Variants in LRTM1 observed in about 807,000 individuals in gnomAD.
LRTM1 encodes the protein leucine-rich repeat and transmembrane domain-containing protein 1.
LRTM1 carries 38 observed loss-of-function variants against 32.4 expected under a neutral mutation model. That is an observed-to-expected ratio of 1.17 (90% confidence interval 0.91 to 1.54). The LOEUF (loss-of-function observed/expected upper bound fraction) is 1.54, where lower values mean the gene tolerates loss of function less well. Among genes scored for constraint, LRTM1 ranks in the 40% most tolerant of loss-of-function variants. The pLI is 0.00. For missense variants in LRTM1, 466 were observed against 415.4 expected, an observed-to-expected ratio of 1.12 and a Z score of -1.06; for synonymous variants, 186 against 169.9, an observed-to-expected ratio of 1.09 and a Z score of -0.74.
chr3:54,944,997 T>C (rs1362344300), intron 1 of LRTM1, among the ~76,000 whole-genome samples: 4 of 152,194 alleles, frequency 2.6e-5, no homozygotes, highest in Admixed American at 2.6e-4. Context: ...TAGACTTTAC[T>C]ATTGGGTGAA....
At position 54,918,601 on chromosome 3, in the gene LRTM1, A is replaced by G; in HGVS notation, c.896T>C (p.Val299Ala). The G allele has an allele frequency of 6.2e-7, 1 of 1,611,086 alleles. No individual in the cohort carries two copies. The highest frequency in any genetic ancestry group is 1.1e-5 in the South Asian group (1 of 90,830). ...GGCAGCTGCCAACATCATGAGACAC[A>G]CAATCCCACACACAACGCCAGTGAT... ...VIITGVVCGIVCLMMLAAAIY... is the reference protein window; with the variant it reads ...VIITGVVCGIACLMMLAAAIY... Residue 299 changes from valine to alanine, a missense_variant, in exon 3 of 3, where the codon GTG (valine) becomes GCG (alanine). Physicochemically the swap from Val to Ala is moderately conservative, Grantham distance 64. Coordinates refer to ENST00000273286, the MANE Select transcript of LRTM1 (RefSeq NM_020678.4).
At chr3:54,950,908 A>G in intron 1 of LRTM1, among the ~76,000 whole-genome samples, 1 of 152,192 alleles carries the variant, frequency 6.6e-6, no homozygotes, top group East Asian at 1.9e-4. Flanking sequence ...GGTGAGAGGG[A>G]AAATAAAGAG....
chr3:54,941,606 T>G (rs939748890), intron 1 of LRTM1, among the ~76,000 whole-genome samples: 1 of 152,230 alleles, frequency 6.6e-6, no homozygotes, highest in African/African-American at 2.4e-5. Context: ...ATGCCCCATA[T>G]TGTTTTCATT....
chr3:54,948,962 T>C (rs1481858206), intron 1 of LRTM1, among the ~76,000 whole-genome samples: 5 of 152,226 alleles, frequency 3.3e-5, no homozygotes, highest in South Asian at 2.1e-4. Context: ...TCCATAGTTA[T>C]AACCAGCTTC....
intron 1 of LRTM1, among the ~76,000 whole-genome samples, chr3:54,954,547 C>T (rs1559643718): frequency 6.6e-6 from 1 of 152,182 alleles, no homozygotes. Flanking sequence ...TTCGGCTTCC[C>T]TTTGATTCTC....
intron 1 of LRTM1, among the ~76,000 whole-genome samples, chr3:54,956,092 T>G (rs1012784597): frequency 1.3e-5 from 2 of 152,148 alleles, no homozygotes; most frequent in Non-Finnish European, 2.9e-5. Context: ...TCCCTCCTCA[T>G]AATCACCTCA....
intron 2 of LRTM1, among the ~76,000 whole-genome samples, chr3:54,921,513 A>G (rs1700850228): frequency 1.3e-5 from 2 of 152,238 alleles, no homozygotes; most frequent in Non-Finnish European, 2.9e-5. Context: ...TATTCACCAA[A>G]GCACATCTTT....
At chr3:54,925,813 G>T (rs1700997971) in intron 1 of LRTM1, among the ~76,000 whole-genome samples, 1 of 152,150 alleles carries the variant, frequency 6.6e-6, no homozygotes, top group Admixed American at 6.5e-5. Flanking sequence ...AGCCACATGT[G>T]GCTAATGGTT....
chr3:54,954,172 G>A (rs540892336), intron 1 of LRTM1, among the ~76,000 whole-genome samples: 7 of 152,248 alleles, frequency 4.6e-5, no homozygotes, highest in African/African-American at 1.4e-4. Context: ...TCACCCAGTC[G>A]CATCTGGTCT....
chr3:54,925,199 A>G lies in LRTM1; in HGVS notation c.24T>C (p.Phe8=). The part of the protein sequence containing the change: MKGELLL[F]SSVIVLLQVV... Reference sequence around the variant, plus strand: ...CCTGGAGCAGGACAATCACACTGGAAAACAGGAGCAGTTCACCTACAACAA... The same window carrying G: ...CCTGGAGCAGGACAATCACACTGGAGAACAGGAGCAGTTCACCTACAACAA... The change falls in exon 2 of 3, where the codon TTT becomes TTC. Residue 8 remains phenylalanine, a synonymous_variant. Transcript: ENST00000273286. 6.2e-7 allele frequency: 1 copy of G among 1,611,768 alleles called. No individual in the cohort carries two copies. Among genetic ancestry groups the G allele is most frequent in the Non-Finnish European group, 8.5e-7 (1 of 1,178,126 alleles).
At chr3:54,956,854 A>G (rs975741267) in intron 1 of LRTM1, among the ~76,000 whole-genome samples, 1 of 151,996 alleles carries the variant, frequency 6.6e-6, no homozygotes, top group Non-Finnish European at 1.5e-5. Flanking sequence ...TCTGACAGAA[A>G]AGAACACCGA....
intron 1 of LRTM1, among the ~76,000 whole-genome samples, chr3:54,958,895 G>A (rs533591653): frequency 6.6e-6 from 1 of 152,246 alleles, no homozygotes; most frequent in Non-Finnish European, 1.5e-5. Flanking sequence ...CTTGAACCCA[G>A]GAGTTTGAGA....
chr3:54,948,733 G>C (rs1701679017), intron 1 of LRTM1, among the ~76,000 whole-genome samples: 1 of 152,190 alleles, frequency 6.6e-6, no homozygotes, highest in African/African-American at 2.4e-5. Context: ...GTATTTGACT[G>C]TCTGCATGGA....
At chr3:54,923,712 G>A (rs1559631132) in intron 2 of LRTM1, among the ~76,000 whole-genome samples, 1 of 152,178 alleles carries the variant, frequency 6.6e-6, no homozygotes, top group African/African-American at 2.4e-5. Flanking sequence ...ACTGTGAAGT[G>A]GAGGAAAGAA....
At chr3:54,943,643 A>C (rs1299071656) in intron 1 of LRTM1, among the ~76,000 whole-genome samples, 1 of 151,922 alleles carries the variant, frequency 6.6e-6, no homozygotes, top group African/African-American at 2.4e-5. Flanking sequence ...ACTCATCTTA[A>C]ATTTTCCCCC....
chr3:54,963,914 G>A (rs1262362278), intron 1 of LRTM1, among the ~76,000 whole-genome samples: 1 of 152,200 alleles, frequency 6.6e-6, no homozygotes, highest in Admixed American at 6.5e-5. Flanking sequence ...AGTCTGGAAG[G>A]AAGATACTTT....
intron 2 of LRTM1, among the ~76,000 whole-genome samples, chr3:54,919,373 C>T (rs186083658): frequency 4.8e-4 from 73 of 152,282 alleles, no homozygotes; most frequent in African/African-American, 1.6e-3. Flanking sequence ...CTGTGTGTCT[C>T]AACACTGTTC....
intron 1 of LRTM1, among the ~76,000 whole-genome samples, chr3:54,936,322 G>A (rs899521101): frequency 1.3e-5 from 2 of 152,286 alleles, no homozygotes; most frequent in Admixed American, 1.3e-4. Context: ...TATTCTGCCC[G>A]TGGACAGAGC....
At chr3:54,949,133 C>T (rs1406894942) in intron 1 of LRTM1, among the ~76,000 whole-genome samples, 2 of 152,200 alleles carry the variant, frequency 1.3e-5, no homozygotes, top group South Asian at 2.1e-4. Context: ...GAAACCCCCT[C>T]TTTCCTAAAA....
Sources: allele counts gnomAD v4.1 joint callset (sites outside exome capture counted in the v4.1 genomes callset), GRCh38; gene constraint gnomAD v4.1.1; transcripts MANE v1.5; gene names NCBI Gene and HGNC (gene_info 2026-07-23, HGNC 2026-07-21).